TRAPPC9: variants seen among roughly 807,000 people sequenced by gnomAD.
TRAPPC9 encodes the protein IKK2 binding protein.
Under a neutral mutation model 124.0 loss-of-function variants are expected in TRAPPC9, and 83 were observed. That is an observed-to-expected ratio of 0.67 (90% CI 0.56 to 0.80). The LOEUF (loss-of-function observed/expected upper bound fraction) is 0.80, where lower values mean the gene tolerates loss of function less well. Ranked by LOEUF, TRAPPC9 falls within the 30% of genes least tolerant of loss-of-function variation. TRAPPC9 has a pLI of 0.00. For missense variants in TRAPPC9, 1,302 were observed against 1,508.3 expected (o/e 0.86, Z 2.27); for synonymous variants, 638 against 617.5 (o/e 1.03, Z -0.49).
intron 12 of TRAPPC9, 85 bp from the exon 13 acceptor site, chr8:140,287,819 T>A: frequency 6.4e-7 from 1 of 1,574,556 alleles, no homozygotes; most frequent in South Asian, 1.1e-5. Flanking sequence ...ACATTGGCTA[T>A]GGCACATCGG....
intron 12 of TRAPPC9, among the ~76,000 whole-genome samples, chr8:140,290,344 G>A (rs1468275764): frequency 1.3e-5 from 2 of 152,248 alleles, no homozygotes; most frequent in African/African-American, 4.8e-5. Flanking sequence ...CAGCAATGCA[G>A]AGAAGACTTG....
At chr8:139,824,632 C>T (rs1563841871) in intron 21 of TRAPPC9, among the ~76,000 whole-genome samples, 4 of 152,164 alleles carry the variant, frequency 2.6e-5, no homozygotes, top group Admixed American at 2.0e-4. Flanking sequence ...GTGATCTTGG[C>T]TCACTGCAAC....
chr8:140,269,696 T>C (rs1463899525), intron 15 of TRAPPC9, among the ~76,000 whole-genome samples: 7 of 152,316 alleles, frequency 4.6e-5, no homozygotes, highest in East Asian at 1.9e-4. Flanking sequence ...GTGTTTGCTA[T>C]AAAATTCTTT....
chr8:139,832,964 T>C (rs1291345487), intron 21 of TRAPPC9, among the ~76,000 whole-genome samples: 1 of 152,074 alleles, frequency 6.6e-6, no homozygotes, highest in Admixed American at 6.5e-5. Flanking sequence ...TTCCAGCTGA[T>C]CTCAGAAGGG....
At chr8:140,400,789 A>T (rs1385376584) in intron 6 of TRAPPC9, among the ~76,000 whole-genome samples, 3 of 152,184 alleles carry the variant, frequency 2.0e-5, no homozygotes, top group African/African-American at 7.2e-5. Context: ...TTCAGGTTCC[A>T]GAACCCTTCC....
chr8:140,451,105 T>C lies in TRAPPC9; in HGVS notation c.269A>G (p.Lys90Arg), dbSNP rs550423753. 8.2e-5 allele frequency: 133 copies of C among 1,614,080 alleles called. 2 individuals are homozygous for C. The South Asian group carries it at 1.3e-3, about 16-fold the overall frequency. Residue 90 changes from lysine to arginine, a missense_variant, in exon 2 of 23, where the codon AAG becomes AGG. By Grantham distance (26) the Lys-to-Arg change is conservative (BLOSUM62 2). Transcript: ENST00000438773. The part of the protein sequence containing the change: ...LITITDCFSA[K>R]DWPQTFEKFH... The stretch of plus-strand genomic sequence containing the variant: ...CTTCTCAAAGGTCTGTGGCCAGTCC[T>C]TGGCCGAGAAGCAGTCTGTGATGGT...
chr8:140,232,056 G>C (rs561656147), intron 16 of TRAPPC9, among the ~76,000 whole-genome samples: 6 of 151,798 alleles, frequency 4.0e-5, no homozygotes, highest in Non-Finnish European at 4.4e-5. Flanking sequence ...TTACAGGCGT[G>C]AGCCACTGTG....
intron 19 of TRAPPC9, among the ~76,000 whole-genome samples, chr8:139,911,698 C>A (rs1831741323): frequency 2.0e-5 from 3 of 150,476 alleles, no homozygotes; most frequent in African/African-American, 4.9e-5. Context: ...GAGTGAGACT[C>A]TGTCTTAAAA....
At chr8:139,758,199 C>T (rs752257824) in intron 21 of TRAPPC9, among the ~76,000 whole-genome samples, 5 of 152,236 alleles carry the variant, frequency 3.3e-5, no homozygotes, top group Admixed American at 1.3e-4. Context: ...GCTGGAGGTG[C>T]CCATCGCTGG....
At chr8:139,906,880 C>T (rs974235887) in intron 20 of TRAPPC9, among the ~76,000 whole-genome samples, 1 of 152,218 alleles carries the variant, frequency 6.6e-6, no homozygotes, top group African/African-American at 2.4e-5. Flanking sequence ...TCAAAGACAT[C>T]AATGTGGCCA....
At chr8:140,331,287 G>C (rs891304225) in intron 9 of TRAPPC9, among the ~76,000 whole-genome samples, 1 of 152,104 alleles carries the variant, frequency 6.6e-6, no homozygotes, top group Non-Finnish European at 1.5e-5. Context: ...AATGAAACTA[G>C]ACCTCTATGT....
chr8:139,833,641 T>C (rs1294965616), intron 21 of TRAPPC9, among the ~76,000 whole-genome samples: 1 of 152,192 alleles, frequency 6.6e-6, no homozygotes, highest in Non-Finnish European at 1.5e-5. Flanking sequence ...TGCTGCCCCT[T>C]CCCAGACGTG....
intron 19 of TRAPPC9, among the ~76,000 whole-genome samples, chr8:139,938,667 C>T (rs1354474476): frequency 3.3e-5 from 5 of 150,896 alleles, no homozygotes; most frequent in African/African-American, 1.2e-4. Flanking sequence ...GAGACGGAGT[C>T]TCGCTCTGTC....
chr8:140,400,630 C>T (rs76924852), intron 6 of TRAPPC9, among the ~76,000 whole-genome samples: 5 of 152,230 alleles, frequency 3.3e-5, no homozygotes, highest in East Asian at 3.9e-4. Flanking sequence ...GAAAAGCCTT[C>T]GTGGAATTTC....
Position 140,457,719 on chromosome 8 carries a change from C to T in TRAPPC9, c.-91G>A. 1.0e-6 allele frequency: 1 copy of T among 990,394 alleles called. No individual in the cohort carries two copies. The highest frequency in any genetic ancestry group is 1.2e-6 in the Non-Finnish European group (1 of 833,028). 61.4% of individuals were successfully genotyped at this position (990,394 alleles called of 1,614,324 possible). On this transcript the variant is annotated 5_prime_UTR_variant, in exon 1 of 23. Coordinates refer to ENST00000438773, the MANE Select transcript of TRAPPC9 (RefSeq NM_001160372.4). ...CCGAGCAGCCTCTGCGGCCACTTCC[C>T]AGGCTCTGGGCTGGCGCTTCCTACT...
chr8:139,954,087 T>C (rs961858579), intron 19 of TRAPPC9, among the ~76,000 whole-genome samples: 1 of 152,202 alleles, frequency 6.6e-6, no homozygotes, highest in Non-Finnish European at 1.5e-5. Context: ...TGCAAAGTTA[T>C]CTGCAGCGAC....
chr8:139,887,454 C>A (rs1199375320), intron 20 of TRAPPC9, among the ~76,000 whole-genome samples: 1 of 152,116 alleles, frequency 6.6e-6, no homozygotes, highest in Admixed American at 6.6e-5. Flanking sequence ...GAACTCCTGA[C>A]CTCAAGTGAT....
At chr8:139,737,976 C>T (rs898664) in intron 21 of TRAPPC9, among the ~76,000 whole-genome samples, 124,889 of 152,142 alleles carry the variant, frequency 0.82, 51,567 homozygotes, top group East Asian at 0.89. Flanking sequence ...TGAACACTGA[C>T]GAAGCTCTGT....
chr8:140,167,438 C>T (rs1317597303), intron 17 of TRAPPC9, among the ~76,000 whole-genome samples: 1 of 152,158 alleles, frequency 6.6e-6, no homozygotes, highest in Non-Finnish European at 1.5e-5. Flanking sequence ...CACAGCACCC[C>T]TTTGAATCCT....
Sources: allele counts gnomAD v4.1 joint callset (sites outside exome capture counted in the v4.1 genomes callset), GRCh38; gene constraint gnomAD v4.1.1; transcripts MANE v1.5; gene names NCBI Gene and HGNC (gene_info 2026-07-23, HGNC 2026-07-21).